SIPA1L1: variants seen among roughly 807,000 people sequenced by gnomAD.
The protein encoded by SIPA1L1 is signal induced proliferation associated 1 like 1, also known as signal-induced proliferation-associated 1-like protein 1.
In SIPA1L1, 26 loss-of-function variants were observed where a neutral mutation model predicts 162.7. That is an observed-to-expected ratio of 0.16 (90% CI 0.12 to 0.22). The LOEUF (loss-of-function observed/expected upper bound fraction) is 0.22. SIPA1L1 is among the 10% of genes least tolerant of loss of function. The pLI, the probability that SIPA1L1 is intolerant of heterozygous loss-of-function variation, is 1.00. For missense variants in SIPA1L1, 1,874 were observed against 2,241.0 expected (o/e 0.84, Z 3.31); for synonymous variants, 829 against 837.4 (o/e 0.99, Z 0.17).
intron 2 of SIPA1L1, among the ~76,000 whole-genome samples, chr14:71,479,240 A>G (rs936598225): frequency 6.6e-6 from 1 of 152,170 alleles, no homozygotes; most frequent in African/African-American, 2.4e-5. Context: ...CTTTCCAGGT[A>G]TTATAACTGC....
At chr14:71,513,217 G>A (rs2051343580) in intron 3 of SIPA1L1, among the ~76,000 whole-genome samples, 1 of 151,984 alleles carries the variant, frequency 6.6e-6, no homozygotes, top group South Asian at 2.1e-4. Flanking sequence ...CAGGTAGACA[G>A]TATCACCGTA....
At chr14:71,544,874 T>C (rs1382106963) in intron 4 of SIPA1L1, among the ~76,000 whole-genome samples, 1 of 152,210 alleles carries the variant, frequency 6.6e-6, no homozygotes, top group African/African-American at 2.4e-5. Flanking sequence ...AATTAAGTTC[T>C]CTAACTTTAT....
intron 15 of SIPA1L1, among the ~76,000 whole-genome samples, chr14:71,703,117 A>G (rs185099008): frequency 7.9e-5 from 12 of 152,294 alleles, no homozygotes; most frequent in Non-Finnish European, 1.8e-4. Flanking sequence ...ACACCATAAC[A>G]CTAGTTGATA....
At position 71,618,761 on chromosome 14, in the gene SIPA1L1, C is replaced by T; in HGVS notation, c.1503C>T (p.His501=). 6.2e-7 allele frequency: 1 copy of T among 1,612,844 alleles called. No individual in the cohort carries two copies. The highest frequency in any genetic ancestry group is 8.5e-7 in the Non-Finnish European group (1 of 1,179,508). ...YYRKFFYQKE[H]WNYFGADENL... ...TTTTGTCTTATTTTACCTAAGAACA[C>T]TGGAACTATTTTGGGGCTGATGAGA... The change falls in exon 6 of 24, where the codon CAC becomes CAT. Residue 501 remains histidine (H), a synonymous_variant. Coordinates refer to ENST00000381232, the MANE Select transcript of SIPA1L1 (RefSeq NM_001386936.1).
chr14:71,388,715 C>G (rs1032635387), intron 2 of SIPA1L1, among the ~76,000 whole-genome samples: 28 of 152,218 alleles, frequency 1.8e-4, no homozygotes, highest in Non-Finnish European at 4.0e-4. Flanking sequence ...CTGAAAGTCT[C>G]TGAAAGTGGT....
intron 4 of SIPA1L1, among the ~76,000 whole-genome samples, chr14:71,545,534 C>T (rs1397969885): frequency 6.6e-6 from 1 of 151,938 alleles, no homozygotes; most frequent in Non-Finnish European, 1.5e-5. Context: ...GTGTATTGAC[C>T]TGATATCCTG....
chr14:71,573,018 T>C (rs1027708699), intron 4 of SIPA1L1, among the ~76,000 whole-genome samples: 9 of 152,176 alleles, frequency 5.9e-5, no homozygotes, highest in African/African-American at 1.4e-4. Flanking sequence ...CTACGTAAGA[T>C]TGACAAATTA....
intron 7 of SIPA1L1, among the ~76,000 whole-genome samples, chr14:71,642,415 A>G (rs972666000): frequency 1.3e-5 from 2 of 152,182 alleles, no homozygotes; most frequent in African/African-American, 4.8e-5. Context: ...TTCAACTCCT[A>G]CAAACCAGAC....
chr14:71,665,762 T>C (rs1416554069), intron 10 of SIPA1L1, among the ~76,000 whole-genome samples: 1 of 152,190 alleles, frequency 6.6e-6, no homozygotes, highest in Non-Finnish European at 1.5e-5. Context: ...CCCGAAACCA[T>C]GGATAGTGCC....
intron 4 of SIPA1L1, among the ~76,000 whole-genome samples, chr14:71,560,470 T>C (rs2056702433): frequency 6.6e-6 from 1 of 152,178 alleles, no homozygotes. Flanking sequence ...AGTAAGAAGG[T>C]AGCAGGTAAA....
intron 2 of SIPA1L1, among the ~76,000 whole-genome samples, chr14:71,452,930 C>T (rs747743007): frequency 1.3e-5 from 2 of 152,194 alleles, no homozygotes; most frequent in Non-Finnish European, 2.9e-5. Context: ...TCAGGATATA[C>T]TGTACACCAA....
chr14:71,645,480 G>A (rs1183247510), intron 7 of SIPA1L1, among the ~76,000 whole-genome samples: 1 of 152,208 alleles, frequency 6.6e-6, no homozygotes, highest in East Asian at 1.9e-4. Context: ...CCTTGAGAAA[G>A]CTATCATAAA....
intron 2 of SIPA1L1, among the ~76,000 whole-genome samples, chr14:71,372,203 C>G (rs2038954011): frequency 6.6e-6 from 1 of 151,990 alleles, no homozygotes; most frequent in Non-Finnish European, 1.5e-5. Flanking sequence ...TAGACTTGTG[C>G]ACTCAGAATT....
intron 7 of SIPA1L1, 118 bp from the exon 8 acceptor site, chr14:71,650,217 A>T: frequency 9.9e-7 from 1 of 1,009,324 alleles, no homozygotes; most frequent in African/African-American, 1.6e-5. Flanking sequence ...GAAGGATTTC[A>T]AGAGAAGAAA....
intron 2 of SIPA1L1, among the ~76,000 whole-genome samples, chr14:71,369,839 G>C (rs1047213526): frequency 1.3e-5 from 2 of 148,688 alleles, no homozygotes; most frequent in African/African-American, 4.9e-5. Context: ...TTATTTCATT[G>C]AGCAGTGGTT....
chr14:71,338,514 G>A (rs74907714), intron 2 of SIPA1L1, among the ~76,000 whole-genome samples: 25 of 152,114 alleles, frequency 1.6e-4, no homozygotes, highest in East Asian at 7.7e-4. Flanking sequence ...TGTAAAGGGC[G>A]TTCACATGAT....
At chr14:71,368,266 C>T (rs1284045160) in intron 2 of SIPA1L1, among the ~76,000 whole-genome samples, 30 of 139,166 alleles carry the variant, frequency 2.2e-4, no homozygotes, top group African/African-American at 8.0e-4. Context: ...CCCACTAACT[C>T]GTCATCTAGC....
chr14:71,588,425 G>A lies in SIPA1L1; in HGVS notation c.553G>A (p.Val185Met), dbSNP rs956232976. Residue 185 changes from valine (V) to methionine (M), a missense_variant, in exon 5 of 24, where the codon GTG becomes ATG. Val to Met is a conservative substitution (Grantham distance 21). Around this residue, in one of 5 missense-constraint regions of SIPA1L1, gnomAD observed 685 missense variants for 828.0 expected, o/e 0.83. Transcript: ENST00000381232. This position sits in a 1 kb window ranked among gnomAD's most constrained non-coding sequence, Gnocchi z 4.3. ...NSDITISELDVDSFDECISPT... is the reference protein window; with the variant it reads ...NSDITISELDMDSFDECISPT... ...TGATATCACCATAAGTGAACTTGAT[G>A]TGGATAGCTTTGATGAATGTATCTC... 1.4e-5 allele frequency: 22 copies of A among 1,614,018 alleles called. No individual in the cohort carries two copies. The highest frequency in any genetic ancestry group is 1.8e-5 in the Non-Finnish European group (21 of 1,179,998).
intron 2 of SIPA1L1, among the ~76,000 whole-genome samples, chr14:71,410,736 T>G (rs1052175135): frequency 6.6e-5 from 10 of 152,280 alleles, no homozygotes; most frequent in Admixed American, 2.0e-4. Context: ...TGGTTCTAGT[T>G]CACAAAATTG....
Sources: gnomAD v4.1 joint callset for allele counts (sites outside exome capture counted in the v4.1 genomes callset) on GRCh38, gnomAD v4.1.1 for gene constraint, gnomAD v4.1.1 regional missense constraint, Gnocchi (gnomAD v3.1) non-coding constraint, MANE v1.5 for transcripts, NCBI Gene and HGNC (gene_info 2026-07-23, HGNC 2026-07-21) for gene names.